The following IKZF3 variants were observed in gnomAD, a reference collection of about 807,000 sequenced individuals.
IKZF3 encodes the protein IKAROS family zinc finger 3.
In IKZF3, 10 loss-of-function variants were observed where a neutral mutation model predicts 49.0. The ratio of observed to expected loss-of-function variants is 0.20; its 90% CI spans 0.13 to 0.35. The LOEUF (loss-of-function observed/expected upper bound fraction) is 0.35. Ranked by LOEUF, IKZF3 falls within the 10% of genes least tolerant of loss-of-function variation. IKZF3 has a pLI of 1.00. For synonymous variants in IKZF3, 209 were observed against 228.2 expected, an observed-to-expected ratio of 0.92 and a Z score of 0.76; for missense variants, 498 against 664.8, an observed-to-expected ratio of 0.75 and a Z score of 2.76.
intron 1 of IKZF3, chr17:39,835,637 C>T (rs545661512): frequency 1.1e-4 from 48 of 434,762 alleles, no homozygotes; most frequent in Non-Finnish European, 1.8e-4. Flanking sequence ...TGATGCCGTC[C>T]GTGTCCAGGG....
chr17:39,791,887 CT>C (rs1211244204), intron 4 of IKZF3, among the ~76,000 whole-genome samples: 159 of 126,822 alleles, frequency 1.3e-3, no homozygotes, highest in East Asian at 2.1e-3. Context: ...TTGGTACTCC[CT>C]TTTTTTTTTT....
intron 1 of IKZF3, chr17:39,836,121 C>T (rs2062272414): frequency 1.5e-6 from 1 of 657,900 alleles, no homozygotes; most frequent in South Asian, 1.6e-5. Flanking sequence ...TAATCTGCTC[C>T]TTCTCCTGAG....
chr17:39,813,829 C>A (rs769397729), intron 3 of IKZF3, among the ~76,000 whole-genome samples: 10 of 151,916 alleles, frequency 6.6e-5, no homozygotes, highest in Non-Finnish European at 1.5e-4. Context: ...AGGTCTTGAT[C>A]TGGGCTTGAG....
intron 3 of IKZF3, among the ~76,000 whole-genome samples, chr17:39,822,566 T>C (rs1266458590): frequency 6.6e-6 from 1 of 151,466 alleles, no homozygotes; most frequent in African/African-American, 2.4e-5. Flanking sequence ...AATTACCCAG[T>C]CTTGGGTATT....
Position 39,822,740 on chromosome 17 carries a change from G to A in IKZF3, c.163+6647C>T, listed in dbSNP as rs555576183. Among the ~76,000 whole-genome samples the A allele has an allele frequency of 1.1e-4, 16 of 151,898 alleles. No individual in the cohort carries two copies. The East Asian group carries it at 1.5e-3, about 15-fold the overall frequency. ...TGGAACTACAGGTGCCCACCACCAC[G>A]CCCAGCTAATTTTTTGTATTTTTAG... On this transcript the variant is annotated intron_variant, in intron 3 of 7. Transcript: ENST00000346872.
At chr17:39,789,493 G>A (rs1376687264) in intron 5 of IKZF3, among the ~76,000 whole-genome samples, 1 of 152,162 alleles carries the variant, frequency 6.6e-6, no homozygotes, top group Non-Finnish European at 1.5e-5. Flanking sequence ...AACCTGGGAG[G>A]TGGAGGTTGC....
At chr17:39,811,351 AAGAC>A (rs1201111177) in intron 3 of IKZF3, among the ~76,000 whole-genome samples, 17 of 151,332 alleles carry the variant, frequency 1.1e-4, no homozygotes, top group South Asian at 1.0e-3. Context: ...AAGGGAAAGA[AAGAC>A]AGAAAGGGAA....
intron 7 of IKZF3, among the ~76,000 whole-genome samples, chr17:39,775,317 G>C (rs1321785842): frequency 1.3e-5 from 2 of 152,190 alleles, no homozygotes; most frequent in Non-Finnish European, 1.5e-5. Context: ...AGAATGTGAT[G>C]GTTCAGAAGA....
chr17:39,771,611 G>A (rs1354494544), intron 7 of IKZF3, among the ~76,000 whole-genome samples: 1 of 151,840 alleles, frequency 6.6e-6, no homozygotes, highest in Admixed American at 6.5e-5. Context: ...CAGAGGTGGT[G>A]GTAGTGACGG....
Position 39,763,673 on chromosome 17 carries a change from CAT to C in IKZF3, c.*2115_*2116del, listed in dbSNP as rs1227415223. On this transcript the variant is annotated 3_prime_UTR_variant, in exon 8 of 8. Transcript: ENST00000346872. Reference sequence around the variant, plus strand: ...ATTTTCATACCAAAGGAATGTGAAACATGTATTCATATAAATACTCTTCTGCT... The same window carrying C: ...ATTTTCATACCAAAGGAATGTGAAACGTATTCATATAAATACTCTTCTGCT... 6 of 152,118 alleles carry C rather than the reference CAT, an allele frequency of 3.9e-5. No individual in the cohort carries two copies. The East Asian group carries it at 9.6e-4, about 24-fold the overall frequency. The allele number at this position is 152,118 out of a possible 1,614,324, so 9.4% of individuals were successfully genotyped here.
At chr17:39,786,523 C>T (rs1383205379) in intron 6 of IKZF3, among the ~76,000 whole-genome samples, 1 of 152,208 alleles carries the variant, frequency 6.6e-6, no homozygotes, top group Non-Finnish European at 1.5e-5. Context: ...TGCCATGAAG[C>T]ATGCCACTTA....
chr17:39,788,973 T>C (rs2060941300), intron 5 of IKZF3, among the ~76,000 whole-genome samples: 1 of 152,160 alleles, frequency 6.6e-6, no homozygotes, highest in Non-Finnish European at 1.5e-5. Context: ...GGTCTCACTC[T>C]ATCACCCAGG....
chr17:39,841,598 G>T (rs564506197), intron 1 of IKZF3, among the ~76,000 whole-genome samples: 1 of 152,266 alleles, frequency 6.6e-6, no homozygotes, highest in Admixed American at 6.5e-5. Flanking sequence ...GAGACTGGTT[G>T]TATTACATAG....
In IKZF3 at chr17:39,763,332, T is replaced by C. The variant is rs1291553425; in HGVS notation, c.*2458A>G. On this transcript the variant is annotated 3_prime_UTR_variant, in exon 8 of 8. Transcript: ENST00000346872. ...ATAGACGAGTTGAGTTGGAGCCGAA[T>C]GCATAAGCCCCTTAGAAATAAAACA... is the stretch of plus-strand genomic sequence containing the variant. 3.9e-5 allele frequency: 6 copies of C among 152,202 alleles called. No individual in the cohort carries two copies. Among genetic ancestry groups the C allele is most frequent in the African/African-American group, 1.4e-4 (6 of 41,458 alleles). The allele number at this position is 152,202 out of a possible 1,614,324, so 9.4% of individuals were successfully genotyped here.
intron 1 of IKZF3, chr17:39,839,296 T>G (rs905490611): frequency 2.2e-6 from 1 of 445,014 alleles, no homozygotes; most frequent in African/African-American, 2.1e-5. Flanking sequence ...TGGTGACATT[T>G]TCAGCTTGAT....
intron 1 of IKZF3, among the ~76,000 whole-genome samples, chr17:39,858,984 A>AT (rs1284599447): frequency 6.6e-6 from 1 of 151,668 alleles, no homozygotes; most frequent in Non-Finnish European, 1.5e-5. Flanking sequence ...TTTTATTATT[A>AT]TTTTTTATGA....
chr17:39,786,118 T>C (rs1412194624), intron 6 of IKZF3, among the ~76,000 whole-genome samples: 2 of 152,234 alleles, frequency 1.3e-5, no homozygotes, highest in Non-Finnish European at 2.9e-5. Flanking sequence ...GATAATGTTC[T>C]GAAATAAGAT....
intron 6 of IKZF3, among the ~76,000 whole-genome samples, chr17:39,779,750 C>T (rs1457808528): frequency 7.9e-5 from 12 of 151,720 alleles, no homozygotes; most frequent in Admixed American, 7.9e-4. Flanking sequence ...CACAGTTTGC[C>T]CTCACCTGCC....
rs199528692 is a variant in IKZF3 at position 39,864,111 on chromosome 17, G to C, written c.7+9C>G. ...GACCCCGGAGAAAAGAAGCGGGCTG[G>C]AGGCTCACCTTCCATGTCGCTGCCG... On this transcript the variant is annotated intron_variant, in intron 1 of 7. Transcript: ENST00000346872. 1 of 1,612,952 alleles carries C rather than the reference G, an allele frequency of 6.2e-7. No individual in the cohort carries two copies. Among genetic ancestry groups the C allele is most frequent in the East Asian group, 2.2e-5 (1 of 44,616 alleles).
Sources: allele counts gnomAD v4.1 joint callset (sites outside exome capture counted in the v4.1 genomes callset), GRCh38; gene constraint gnomAD v4.1.1; transcripts MANE v1.5; gene names NCBI Gene and HGNC (gene_info 2026-07-23, HGNC 2026-07-21).